The following DIP2B variants were observed in gnomAD, a reference collection of about 807,000 sequenced individuals.
DIP2B encodes the protein disco-interacting protein 2 homolog B.
A neutral mutation model predicts 198.0 loss-of-function variants in DIP2B; 76 were observed. The ratio of observed to expected loss-of-function variants is 0.38; its 90% CI spans 0.32 to 0.46. The LOEUF is 0.46. Among genes scored for constraint, DIP2B ranks in the 20% least tolerant of loss-of-function variants. DIP2B has a pLI of 0.99. For missense variants in DIP2B, 1,559 were observed against 1,978.4 expected (o/e 0.79, Z 4.02); for synonymous variants, 701 against 739.1 (o/e 0.95, Z 0.84).
chr12:50,587,398 A>C (rs1425062444), intron 1 of DIP2B, among the ~76,000 whole-genome samples: 1 of 152,200 alleles, frequency 6.6e-6, no homozygotes, highest in African/African-American at 2.4e-5. Context: ...TTGATGACTA[A>C]TTAATGCAAA....
intron 1 of DIP2B, among the ~76,000 whole-genome samples, chr12:50,510,123 A>G (rs565156547): frequency 1.3e-5 from 2 of 152,204 alleles, no homozygotes; most frequent in African/African-American, 4.8e-5. Flanking sequence ...GCTGGTTAAT[A>G]TTCTTTTAGA....
At chr12:50,734,076 A>G in intron 32 of DIP2B, 59 bp from the exon 33 acceptor site, 1 of 1,588,732 alleles carries the variant, frequency 6.3e-7, no homozygotes, top group Admixed American at 1.7e-5. Context: ...TCTTGGTTTG[A>G]AAATGTGAAA....
At chr12:50,592,495 T>C (rs1235944063) in intron 1 of DIP2B, among the ~76,000 whole-genome samples, 2 of 152,154 alleles carry the variant, frequency 1.3e-5, no homozygotes, top group South Asian at 2.1e-4. Flanking sequence ...TTCTTTTTTT[T>C]GAGACTGAGT....
Position 50,731,429 on chromosome 12 carries a change from C to A in DIP2B, c.3702C>A (p.Phe1234Leu), listed in dbSNP as rs1327511709. ...CTATGGAGTTAGAGAACAACCTTTT[C>A]CTCTGGCTCTCCACAGTCAACCAGT... The part of the protein sequence containing the change: ...IPPMELENNL[F>L]LWLSTVNQYK... Residue 1234 changes from phenylalanine (F) to leucine (L), a missense_variant, in exon 31 of 38, where the codon TTC becomes TTA. Coordinates refer to ENST00000301180, the MANE Select transcript of DIP2B (RefSeq NM_173602.3). The A allele has an allele frequency of 3.7e-6, 6 of 1,614,154 alleles. No homozygotes were observed. In the East Asian group the frequency reaches 1.3e-4, roughly 36 times the overall value.
chr12:50,580,224 AG>A (rs956198899), intron 1 of DIP2B, among the ~76,000 whole-genome samples: 2 of 148,842 alleles, frequency 1.3e-5, no homozygotes, highest in African/African-American at 4.9e-5. Flanking sequence ...GGCCCTCCAG[AG>A]GTCTCAGCAC....
intron 2 of DIP2B, among the ~76,000 whole-genome samples, chr12:50,627,503 ATT>A (rs1263411466): frequency 6.6e-6 from 1 of 152,022 alleles, no homozygotes; most frequent in East Asian, 1.9e-4. Context: ...CCAGTTAATT[ATT>A]TTTTGTAGAG....
At chr12:50,697,305 C>A in intron 17 of DIP2B, 130 bp downstream of exon 17, 1 of 768,060 alleles carries the variant, frequency 1.3e-6, no homozygotes, top group South Asian at 2.0e-5. Context: ...ATTTTTCCCA[C>A]TCTTGCTCAA....
chr12:50,519,080 C>G (rs967408365), intron 1 of DIP2B, among the ~76,000 whole-genome samples: 8 of 151,836 alleles, frequency 5.3e-5, no homozygotes, highest in East Asian at 3.9e-4. Flanking sequence ...GGGTAGGGCT[C>G]CCTGGAGGGA....
At chr12:50,597,945 A>G (rs1958892308) in intron 1 of DIP2B, among the ~76,000 whole-genome samples, 1 of 152,160 alleles carries the variant, frequency 6.6e-6, no homozygotes, top group African/African-American at 2.4e-5. Flanking sequence ...TCTTTATGCA[A>G]ACTTAGTGAG....
intron 4 of DIP2B, among the ~76,000 whole-genome samples, chr12:50,664,953 G>T (rs1445376122): frequency 2.8e-5 from 4 of 144,224 alleles, no homozygotes; most frequent in Non-Finnish European, 6.0e-5. Flanking sequence ...GGGTCAAGCA[G>T]TCCTCCCACC....
chr12:50,604,189 CTTTAAA>C (rs1194761810), intron 1 of DIP2B, among the ~76,000 whole-genome samples: 3 of 151,900 alleles, frequency 2.0e-5, no homozygotes, highest in Non-Finnish European at 4.4e-5. Context: ...ACTCTGAATC[CTTTAAA>C]TAGCAAACTC....
chr12:50,698,957 A>T, intron 18 of DIP2B, 109 bp from the exon 19 acceptor site: 1 of 1,241,702 alleles, frequency 8.1e-7, no homozygotes, highest in Non-Finnish European at 1.1e-6. Flanking sequence ...ATTTTTACTT[A>T]ATGCCACTCA....
At chr12:50,631,918 A>G (rs1027485929) in intron 2 of DIP2B, among the ~76,000 whole-genome samples, 2 of 152,134 alleles carry the variant, frequency 1.3e-5, no homozygotes, top group Non-Finnish European at 2.9e-5. Flanking sequence ...TCCATGTCAA[A>G]AGAAGAGATT....
At chr12:50,548,174 G>A (rs148080105) in intron 1 of DIP2B, among the ~76,000 whole-genome samples, 5 of 152,158 alleles carry the variant, frequency 3.3e-5, no homozygotes, top group African/African-American at 7.2e-5. Flanking sequence ...AGGGGTTAGA[G>A]TAAGGAACTT....
intron 1 of DIP2B, among the ~76,000 whole-genome samples, chr12:50,583,554 G>A (rs563438704): frequency 3.3e-5 from 5 of 152,230 alleles, no homozygotes; most frequent in Admixed American, 1.3e-4. Flanking sequence ...TTGACTTTAC[G>A]AAGGTGTGGA....
At chr12:50,742,111 G>A (rs1940254881) in intron 37 of DIP2B, among the ~76,000 whole-genome samples, 2 of 151,920 alleles carry the variant, frequency 1.3e-5, no homozygotes, top group African/African-American at 4.8e-5. Flanking sequence ...TTAAAACTGT[G>A]GTTTGGCCGG....
chr12:50,729,018 C>G (rs572162215), intron 30 of DIP2B, among the ~76,000 whole-genome samples: 7 of 152,274 alleles, frequency 4.6e-5, no homozygotes, highest in South Asian at 2.1e-4. Context: ...GCACGTACCC[C>G]CTCGGCTTGG....
intron 23 of DIP2B, among the ~76,000 whole-genome samples, chr12:50,717,101 C>T (rs909746535): frequency 2.7e-5 from 4 of 150,644 alleles, no homozygotes; most frequent in Non-Finnish European, 3.0e-5. Context: ...TGAGCTACTA[C>T]GCCCAGCTAA....
At position 50,505,056 on chromosome 12, in the gene DIP2B, C is replaced by A; in HGVS notation, c.-85C>A. On this transcript the variant is annotated 5_prime_UTR_variant, in exon 1 of 38. Coordinates refer to ENST00000301180, the MANE Select transcript of DIP2B (RefSeq NM_173602.3). Reference sequence around the variant, plus strand: ...TGGTGCTCGGCGGCCGGAGCCGGATCCTGTAGCCGGGTGTGGGCCCGTGTC... The same window carrying A: ...TGGTGCTCGGCGGCCGGAGCCGGATACTGTAGCCGGGTGTGGGCCCGTGTC... 4.7e-6 allele frequency: 6 copies of A among 1,288,284 alleles called. No homozygotes were observed. Among genetic ancestry groups the A allele is most frequent in the Non-Finnish European group, 6.4e-6 (6 of 940,670 alleles). 79.8% of individuals were successfully genotyped at this position (1,288,284 alleles called of 1,614,324 possible).
Sources: gnomAD v4.1 joint callset for allele counts (sites outside exome capture counted in the v4.1 genomes callset) on GRCh38, gnomAD v4.1.1 for gene constraint, MANE v1.5 for transcripts, NCBI Gene and HGNC (gene_info 2026-07-23, HGNC 2026-07-21) for gene names.